The following MCM9 variants were observed in gnomAD, a reference collection of about 807,000 sequenced individuals.
MCM9 encodes the protein minichromosome maintenance 9 homologous recombination repair factor.
A neutral mutation model predicts 72.8 loss-of-function variants in MCM9; 55 were observed. That is an observed-to-expected ratio of 0.76 (90% CI 0.61 to 0.95). The LOEUF (loss-of-function observed/expected upper bound fraction) is 0.95. Among genes scored for constraint, MCM9 ranks in the 40% least tolerant of loss-of-function variants. The pLI, the probability that MCM9 is intolerant of heterozygous loss-of-function variation, is 0.00. For missense variants in MCM9, 1,279 were observed against 1,377.0 expected (o/e 0.93, Z 1.13); for synonymous variants, 480 against 503.4 (o/e 0.95, Z 0.62).
chr6:118,903,400 A>G (rs1779938669), intron 8 of MCM9, among the ~76,000 whole-genome samples: 1 of 152,172 alleles, frequency 6.6e-6, no homozygotes, highest in Non-Finnish European at 1.5e-5. Flanking sequence ...GAACTGATTT[A>G]CAAATGAATT....
rs1480696295 is a variant in MCM9 at position 118,911,773 on chromosome 6, G to A, written c.1031-4C>T. 1 of 1,605,464 alleles carries A rather than the reference G, an allele frequency of 6.2e-7. No individual in the cohort carries two copies. The highest frequency in any genetic ancestry group is 8.5e-7 in the Non-Finnish European group (1 of 1,175,936). The stretch of plus-strand genomic sequence containing the variant: ...ACCAATAAAAGATGAGATTCTCCTA[G>A]GAAAAAGCAAATACATGAAGTTTTA... On this transcript the variant is annotated splice_polypyrimidine_tract_variant and splice_region_variant and intron_variant, in intron 7 of 13. Transcript: ENST00000619706.
chr6:118,900,054 A>G (rs1779700267), intron 8 of MCM9, among the ~76,000 whole-genome samples: 1 of 152,196 alleles, frequency 6.6e-6, no homozygotes. Flanking sequence ...TAACGCCTTG[A>G]ATTGCACCTG....
chr6:118,901,418 A>G (rs1779792333), intron 8 of MCM9, among the ~76,000 whole-genome samples: 1 of 152,182 alleles, frequency 6.6e-6, no homozygotes, highest in African/African-American at 2.4e-5. Flanking sequence ...CATTGGAATG[A>G]CATTCCAGAG....
At chr6:118,905,623 GTGTT>G in intron 8 of MCM9, 1 of 1,562,734 alleles carries the variant, frequency 6.4e-7, no homozygotes, top group Non-Finnish European at 8.7e-7. Flanking sequence ...TTGTGTGTGT[GTGTT>G]TCTTTTCTTT....
chr6:118,909,276 T>TGAC (rs1190982773), intron 8 of MCM9: 1 of 152,232 alleles, frequency 6.6e-6, no homozygotes, highest in African/African-American at 2.4e-5. Context: ...GTTTTTATTC[T>TGAC]GACTAATTAT....
At chr6:118,817,438 T>A (rs1392319484) in intron 13 of MCM9, among the ~76,000 whole-genome samples, 1 of 152,210 alleles carries the variant, frequency 6.6e-6, no homozygotes, top group African/African-American at 2.4e-5. Context: ...GGTTTCCAGC[T>A]TCATCCATGT....
chr6:118,893,847 A>AAAC (rs200986526), intron 8 of MCM9, among the ~76,000 whole-genome samples: 8,138 of 69,900 alleles, frequency 0.12, 322 homozygotes, highest in East Asian at 0.4. Context: ...CAAAAAAACA[A>AAAC]AAAAAAAAAC....
At chr6:118,898,643 C>T (rs1015459954) in intron 8 of MCM9, among the ~76,000 whole-genome samples, 4 of 152,118 alleles carry the variant, frequency 2.6e-5, no homozygotes, top group Non-Finnish European at 5.9e-5. Flanking sequence ...GTCTCGAACT[C>T]CTGACCTCAA....
At chr6:118,913,508 C>T in intron 6 of MCM9, 88 bp from the exon 7 acceptor site, 1 of 1,513,386 alleles carries the variant, frequency 6.6e-7, no homozygotes, top group Non-Finnish European at 9.0e-7. Flanking sequence ...TGACCATCCT[C>T]ATTTAAATAT....
chr6:118,824,030 C>T (rs931002307), intron 13 of MCM9, among the ~76,000 whole-genome samples: 3 of 131,176 alleles, frequency 2.3e-5, no homozygotes, highest in Admixed American at 8.3e-5. Flanking sequence ...AATAAGCAAA[C>T]CCACCTTTTT....
intron 13 of MCM9, among the ~76,000 whole-genome samples, chr6:118,825,522 C>T (rs1357254080): frequency 1.3e-5 from 2 of 152,166 alleles, no homozygotes; most frequent in Non-Finnish European, 2.9e-5. Flanking sequence ...TTGAGACCAA[C>T]ACCAGTAAGA....
In MCM9 at chr6:118,815,922, G is replaced by C. The variant is rs1264021414; in HGVS notation, c.2334C>G (p.Asn778Lys). 1.9e-6 allele frequency: 3 copies of C among 1,548,316 alleles called. No individual in the cohort carries two copies. The highest frequency in any genetic ancestry group is 2.6e-6 in the Non-Finnish European group (3 of 1,146,930). Residue 778 changes from asparagine to lysine, a missense_variant, in exon 14 of 14, where the codon AAC becomes AAG. Coordinates refer to ENST00000619706, the MANE Select transcript of MCM9 (RefSeq NM_017696.3). Reference protein sequence around the residue: ...SGENMASKISNSTSQGKEKSE... With the variant: ...SGENMASKISKSTSQGKEKSE... ...TCTTCTCCTTACCCTGAGATGTGCT[G>C]TTAGAGATCTTCGAAGCCATATTTT...
chr6:118,821,957 G>C (rs1773843963), intron 13 of MCM9, among the ~76,000 whole-genome samples: 1 of 152,144 alleles, frequency 6.6e-6, no homozygotes, highest in African/African-American at 2.4e-5. Context: ...TTCTCGTGCT[G>C]TGTTTTTCAG....
At chr6:118,926,570 A>C (rs1000749589) in intron 3 of MCM9, among the ~76,000 whole-genome samples, 1 of 152,202 alleles carries the variant, frequency 6.6e-6, no homozygotes, top group Non-Finnish European at 1.5e-5. Flanking sequence ...TACTTAGAAT[A>C]ATGTTTTCAA....
At chr6:118,878,039 G>A (rs1364636235) in intron 8 of MCM9, among the ~76,000 whole-genome samples, 1 of 152,072 alleles carries the variant, frequency 6.6e-6, no homozygotes, top group African/African-American at 2.4e-5. Flanking sequence ...GTGCATGACT[G>A]TAATCCTAGC....
intron 9 of MCM9, among the ~76,000 whole-genome samples, chr6:118,836,294 T>C (rs1043497384): frequency 3.9e-5 from 6 of 152,252 alleles, no homozygotes; most frequent in Non-Finnish European, 2.9e-5. Context: ...ATCAGAGATA[T>C]TGGCCTGAAA....
At chr6:118,829,707 C>A (rs1338347343) in intron 9 of MCM9, among the ~76,000 whole-genome samples, 1 of 152,100 alleles carries the variant, frequency 6.6e-6, no homozygotes, top group African/African-American at 2.4e-5. Flanking sequence ...TTGAACTGAA[C>A]CTTTCAAGAC....
intron 8 of MCM9, among the ~76,000 whole-genome samples, chr6:118,868,245 G>T (rs1777352575): frequency 6.6e-6 from 1 of 152,048 alleles, no homozygotes. Context: ...TTTAAGGAAT[G>T]CAAATTATAA....
chr6:118,843,655 T>TATATACACGTATATATATATATATAC lies in MCM9; in HGVS notation c.1325+12715_1325+12716insGTATATATATATATATACGTGTATAT, dbSNP rs1491542240. Among the ~76,000 whole-genome samples, 92 of 38,558 alleles carry TATATACACGTATATATATATATATAC rather than the reference T, an allele frequency of 2.4e-3. 2 individuals are homozygous for TATATACACGTATATATATATATATAC. The highest frequency in any genetic ancestry group is 8.2e-3 in the Admixed American group (21 of 2,554). 25.3% of individuals were successfully genotyped at this position (38,558 alleles called of 152,430 possible). The stretch of plus-strand genomic sequence containing the variant: ...ACAAAACAAAACATATATATATATA[T>TATATACACGTATATATATATATATAC]GTGTATATATATATGTATGTATATA... On this transcript the variant is annotated intron_variant, in intron 9 of 13. Coordinates refer to ENST00000619706, the MANE Select transcript of MCM9 (RefSeq NM_017696.3).
Sources: allele counts gnomAD v4.1 joint callset (sites outside exome capture counted in the v4.1 genomes callset), GRCh38; gene constraint gnomAD v4.1.1; transcripts MANE v1.5; gene names NCBI Gene and HGNC (gene_info 2026-07-23, HGNC 2026-07-21).